The following MGAT4C variants were observed in gnomAD, a reference collection of about 807,000 sequenced individuals.
MGAT4C encodes the protein MGAT4 family member C.
In MGAT4C, 19 loss-of-function variants were observed where a neutral mutation model predicts 40.1. That is an observed-to-expected ratio of 0.47 (90% CI 0.33 to 0.70). The LOEUF is 0.70. Among genes scored for constraint, MGAT4C ranks in the 30% least tolerant of loss-of-function variants. The probability of loss-of-function intolerance (pLI) is 0.02; values close to 1 mark genes in which losing one functional copy is unlikely to be tolerated. For synonymous variants in MGAT4C, 181 were observed against 187.1 expected, an observed-to-expected ratio of 0.97 and a Z score of 0.27; for missense variants, 491 against 563.2, an observed-to-expected ratio of 0.87 and a Z score of 1.30.
intron 1 of MGAT4C, among the ~76,000 whole-genome samples, chr12:86,191,894 C>T (rs560371837): frequency 6.7e-6 from 1 of 149,708 alleles, no homozygotes; most frequent in South Asian, 2.2e-4. Flanking sequence ...CACATATACA[C>T]CATCCAATAC....
At chr12:86,191,134 C>CACACA (rs1889398426) in intron 1 of MGAT4C, among the ~76,000 whole-genome samples, 1 of 136,516 alleles carries the variant, frequency 7.3e-6, no homozygotes, top group Non-Finnish European at 1.6e-5. Flanking sequence ...CACACACACA[C>CACACA]CCCTATAGGG....
intron 1 of MGAT4C, among the ~76,000 whole-genome samples, chr12:86,074,012 T>G (rs143724533): frequency 5.6e-4 from 85 of 152,264 alleles, no homozygotes; most frequent in African/African-American, 1.9e-3. Context: ...TTTTCATGTG[T>G]CATGGGAGGG....
chr12:86,661,659 AG>A (rs1208529621), intron 2 of MGAT4C, among the ~76,000 whole-genome samples: 3 of 152,168 alleles, frequency 2.0e-5, no homozygotes, highest in Non-Finnish European at 4.4e-5. Context: ...ATCAAACATA[AG>A]AAGGGACTGG....
At chr12:86,247,466 C>T (rs1026715484) in intron 1 of MGAT4C, among the ~76,000 whole-genome samples, 3 of 152,076 alleles carry the variant, frequency 2.0e-5, no homozygotes, top group African/African-American at 7.2e-5. Flanking sequence ...ATTACAGTCT[C>T]GTGGGAAGAC....
At chr12:86,236,330 A>G (rs1205178278) in intron 1 of MGAT4C, among the ~76,000 whole-genome samples, 6 of 152,030 alleles carry the variant, frequency 3.9e-5, no homozygotes, top group Non-Finnish European at 1.5e-5. Context: ...AGTTGGTAAG[A>G]TATTTGTAGC....
chr12:86,611,420 GTAGA>G (rs1394083425), intron 2 of MGAT4C, among the ~76,000 whole-genome samples: 23 of 147,048 alleles, frequency 1.6e-4, no homozygotes, highest in African/African-American at 2.7e-4. Flanking sequence ...AGGTAGGTAG[GTAGA>G]TAGATAGATG....
At chr12:86,366,707 C>T (rs1276699364) in intron 3 of MGAT4C, among the ~76,000 whole-genome samples, 1 of 152,018 alleles carries the variant, frequency 6.6e-6, no homozygotes, top group Admixed American at 6.6e-5. Context: ...GCACATGTAG[C>T]CTTTAATGTA....
At chr12:86,345,554 C>T (rs973227158) in intron 3 of MGAT4C, among the ~76,000 whole-genome samples, 23 of 152,038 alleles carry the variant, frequency 1.5e-4, no homozygotes, top group Non-Finnish European at 3.2e-4. Context: ...CAATAGTTTG[C>T]TGAGAATGAT....
intron 2 of MGAT4C, among the ~76,000 whole-genome samples, chr12:86,684,720 C>T (rs569180560): frequency 5.9e-5 from 9 of 152,132 alleles, no homozygotes; most frequent in African/African-American, 1.9e-4. Flanking sequence ...TAATGATCGC[C>T]ATTCTAACTG....
At position 86,603,802 on chromosome 12, in the gene MGAT4C, T is replaced by A. The variant is rs546187922; in HGVS notation, c.-229+123407A>T. ...TACTATATAATATATAGTATATATA[T>A]TATATAGTATATAATAATAGTAAAT... On this transcript the variant is annotated intron_variant, in intron 2 of 7. Transcript: ENST00000548651. 3.5e-3 allele frequency among the ~76,000 whole-genome samples: 432 copies of A among 124,954 alleles called. 2 individuals are homozygous for A. Among genetic ancestry groups the A allele is most frequent in the African/African-American group, 0.012 (419 of 34,620 alleles). 82.0% of individuals were successfully genotyped at this position (124,954 alleles called of 152,430 possible).
intron 1 of MGAT4C, among the ~76,000 whole-genome samples, chr12:86,145,280 C>A (rs969100795): frequency 2.0e-5 from 3 of 152,060 alleles, no homozygotes; most frequent in South Asian, 4.2e-4. Context: ...GCTTAGGAGC[C>A]TCCTTTATGC....
chr12:86,050,401 T>A (rs1172569110), intron 1 of MGAT4C, among the ~76,000 whole-genome samples: 2 of 152,064 alleles, frequency 1.3e-5, no homozygotes, highest in Non-Finnish European at 2.9e-5. Flanking sequence ...TTATGTGTAT[T>A]TTCTTTAAGC....
chr12:86,731,992 G>C (rs772481779), intron 1 of MGAT4C, among the ~76,000 whole-genome samples: 1 of 152,114 alleles, frequency 6.6e-6, no homozygotes, highest in Non-Finnish European at 1.5e-5. Flanking sequence ...TAAAGGAGGG[G>C]CTAGGCCATT....
At chr12:86,613,382 C>T (rs1418884678) in intron 2 of MGAT4C, among the ~76,000 whole-genome samples, 1 of 152,012 alleles carries the variant, frequency 6.6e-6, no homozygotes, top group African/African-American at 2.4e-5. Flanking sequence ...ATCTGTTTAT[C>T]TCAACTTTTA....
intron 2 of MGAT4C, among the ~76,000 whole-genome samples, chr12:86,490,539 C>A (rs927683912): frequency 6.6e-6 from 1 of 151,492 alleles, no homozygotes; most frequent in African/African-American, 2.4e-5. Context: ...AACCAGCTAA[C>A]ATCATAATGA....
chr12:86,737,923 T>C (rs1037523895), intron 1 of MGAT4C, among the ~76,000 whole-genome samples: 1 of 151,590 alleles, frequency 6.6e-6, no homozygotes, highest in African/African-American at 2.4e-5. Flanking sequence ...ATTTCTCTGC[T>C]TTTTCTTTTA....
intron 1 of MGAT4C, among the ~76,000 whole-genome samples, chr12:86,218,741 T>G (rs1437963426): frequency 6.6e-6 from 1 of 152,128 alleles, no homozygotes; most frequent in Non-Finnish European, 1.5e-5. Context: ...AGGTTTTCAT[T>G]CTAAGGCAGA....
At chr12:86,517,082 T>C (rs1958704273) in intron 2 of MGAT4C, among the ~76,000 whole-genome samples, 1 of 152,128 alleles carries the variant, frequency 6.6e-6, no homozygotes, top group Admixed American at 6.5e-5. Flanking sequence ...CCTCATACAT[T>C]GCAAGCAGGA....
intron 2 of MGAT4C, among the ~76,000 whole-genome samples, chr12:86,611,364 GACAA>G (rs1419680356): frequency 6.6e-6 from 1 of 151,850 alleles, no homozygotes; most frequent in African/African-American, 2.4e-5. Context: ...CAGGCAGACA[GACAA>G]ACAGATAGAG....
Sources: allele counts gnomAD v4.1 joint callset (sites outside exome capture counted in the v4.1 genomes callset), GRCh38; gene constraint gnomAD v4.1.1; transcripts MANE v1.5; gene names NCBI Gene and HGNC (gene_info 2026-07-23, HGNC 2026-07-21).